Variants in CDK17 observed in about 807,000 individuals in gnomAD.
CDK17 encodes cyclin dependent kinase 17.
CDK17 carries 24 observed loss-of-function variants against 77.6 expected under a neutral mutation model. The observed-to-expected ratio is 0.31, with a 90% CI of 0.22 to 0.44. CDK17 has a LOEUF of 0.44. Among genes scored for constraint, CDK17 ranks in the 20% least tolerant of loss-of-function variants. The probability of loss-of-function intolerance (pLI) is 1.00; values close to 1 mark genes in which losing one functional copy is unlikely to be tolerated. For missense variants in CDK17, 429 were observed against 622.5 expected (o/e 0.69, Z 3.31); for synonymous variants, 203 against 210.4 (o/e 0.96, Z 0.30).
chr12:96,305,985 G>A (rs1285572377), intron 5 of CDK17, among the ~76,000 whole-genome samples: 1 of 152,180 alleles, frequency 6.6e-6, no homozygotes, highest in Non-Finnish European at 1.5e-5. Context: ...GCCTCTCAAA[G>A]TGGTGGGATT....
intron 6 of CDK17, 74 bp from the exon 7 acceptor site, chr12:96,299,057 G>A (rs1952457226): frequency 3.0e-6 from 2 of 674,754 alleles, no homozygotes; most frequent in Admixed American, 2.9e-5. Context: ...ATAATAAAGA[G>A]CTCTACCTGA....
chr12:96,332,944 C>T (rs889993534), intron 2 of CDK17, among the ~76,000 whole-genome samples: 1 of 152,080 alleles, frequency 6.6e-6, no homozygotes, highest in Non-Finnish European at 1.5e-5. Flanking sequence ...TTAGCTAAAA[C>T]ATACGTTCAT....
intron 1 of CDK17, among the ~76,000 whole-genome samples, chr12:96,374,769 CAAGT>C (rs1169233476): frequency 6.6e-6 from 1 of 152,174 alleles, no homozygotes. Context: ...AGCTTTCAAG[CAAGT>C]GAGGTCATGA....
intron 10 of CDK17, among the ~76,000 whole-genome samples, chr12:96,290,217 T>G (rs767815993): frequency 1.3e-5 from 2 of 152,320 alleles, no homozygotes; most frequent in Admixed American, 1.3e-4. Flanking sequence ...AATCCAGAAA[T>G]AAAGGCTAGA....
At chr12:96,389,751 T>C (rs1200519827) in intron 1 of CDK17, among the ~76,000 whole-genome samples, 1 of 152,188 alleles carries the variant, frequency 6.6e-6, no homozygotes, top group Non-Finnish European at 1.5e-5. Flanking sequence ...TACCAAGCCA[T>C]AATCTCGAAC....
intron 1 of CDK17, among the ~76,000 whole-genome samples, chr12:96,369,110 G>C (rs1953648491): frequency 6.6e-6 from 1 of 151,808 alleles, no homozygotes; most frequent in African/African-American, 2.4e-5. Context: ...AACTAACTCA[G>C]GACCAGTCCA....
chr12:96,396,251 T>C (rs966036528), intron 1 of CDK17, among the ~76,000 whole-genome samples: 4 of 152,214 alleles, frequency 2.6e-5, no homozygotes, highest in Non-Finnish European at 5.9e-5. Context: ...CTCTGGCCCT[T>C]GGCAATTCCT....
intron 11 of CDK17, among the ~76,000 whole-genome samples, chr12:96,288,655 G>C (rs1796256857): frequency 6.6e-6 from 1 of 152,154 alleles, no homozygotes; most frequent in Non-Finnish European, 1.5e-5. Context: ...TAATGAAGGG[G>C]GTGGCAATAA....
chr12:96,313,706 A>T (rs1952672578), intron 3 of CDK17, among the ~76,000 whole-genome samples: 1 of 152,218 alleles, frequency 6.6e-6, no homozygotes, highest in Non-Finnish European at 1.5e-5. Flanking sequence ...GGGTTGAGTA[A>T]TAAAATTATA....
At position 96,279,471 on chromosome 12, in the gene CDK17, A is replaced by G. The variant is rs1391564644; in HGVS notation, c.*771T>C. 6.6e-6 allele frequency: 1 copy of G among 152,240 alleles called. No homozygotes were observed. Among genetic ancestry groups the G allele is most frequent in the Admixed American group, 6.5e-5 (1 of 15,284 alleles). 9.4% of individuals were successfully genotyped at this position (152,240 alleles called of 1,614,324 possible). A position where few individuals can be genotyped will look rare whatever the true frequency, so the allele number is the denominator to read the frequency against. Reference sequence around the variant, plus strand: ...ATTTAAAACACAATGTAAAATAGGTAAGTGTATTAGTATACAAATATCCAG... The same window carrying G: ...ATTTAAAACACAATGTAAAATAGGTGAGTGTATTAGTATACAAATATCCAG... On this transcript the variant is annotated 3_prime_UTR_variant, in exon 17 of 17. Transcript: ENST00000261211.
intron 1 of CDK17, among the ~76,000 whole-genome samples, chr12:96,345,133 C>A (rs1243059067): frequency 6.6e-6 from 1 of 152,180 alleles, no homozygotes; most frequent in Non-Finnish European, 1.5e-5. Flanking sequence ...CCAGCCTTAA[C>A]CATGTCCCTG....
intron 5 of CDK17, among the ~76,000 whole-genome samples, chr12:96,308,637 G>C (rs1267985566): frequency 6.8e-6 from 1 of 147,360 alleles, no homozygotes; most frequent in African/African-American, 2.5e-5. Context: ...GCTGAGGCCA[G>C]AGAATCGCTT....
At chr12:96,352,407 T>C (rs868716430) in intron 1 of CDK17, among the ~76,000 whole-genome samples, 1 of 149,278 alleles carries the variant, frequency 6.7e-6, no homozygotes, top group Non-Finnish European at 1.5e-5. Flanking sequence ...AAAAAAAACA[T>C]GTCCCAGCTG....
intron 2 of CDK17, among the ~76,000 whole-genome samples, chr12:96,329,702 T>TA (rs1179813140): frequency 2.0e-5 from 3 of 152,264 alleles, no homozygotes; most frequent in African/African-American, 4.8e-5. Flanking sequence ...TCCACTGTTG[T>TA]AAAAAACAAT....
rs559752866 is a variant in CDK17 at position 96,347,832 on chromosome 12, T to C, written c.-29-12967A>G. On this transcript the variant is annotated intron_variant, in intron 1 of 16. Coordinates refer to ENST00000261211, the MANE Select transcript of CDK17 (RefSeq NM_002595.5). ...CAAGTCTTAATAAACTTTAAAAAACTAAAATCATAAAAAGCTCTTTTCCAA... is the reference window on the plus strand; with the variant it reads ...CAAGTCTTAATAAACTTTAAAAAACCAAAATCATAAAAAGCTCTTTTCCAA... 2.0e-5 allele frequency among the ~76,000 whole-genome samples: 3 copies of C among 152,148 alleles called. No individual in the cohort carries two copies. The South Asian group carries it at 6.2e-4, about 32-fold the overall frequency.
intron 1 of CDK17, among the ~76,000 whole-genome samples, chr12:96,340,713 T>C (rs1953109796): frequency 1.3e-5 from 2 of 152,224 alleles, no homozygotes; most frequent in African/African-American, 4.8e-5. Flanking sequence ...GGTTAATCTT[T>C]AATATTTACT....
chr12:96,376,380 C>CAAAGTATTTTGAAATA (rs1953782559), intron 1 of CDK17, among the ~76,000 whole-genome samples: 1 of 152,192 alleles, frequency 6.6e-6, no homozygotes, highest in East Asian at 1.9e-4. Context: ...AAACCAGACT[C>CAAAGTATTTTGAAATA]CAAAACATCA....
At position 96,323,974 on chromosome 12, in the gene CDK17, G is replaced by A. The variant is rs758025003; in HGVS notation, c.257C>T (p.Ala86Val). 7 of 1,600,518 alleles carry A rather than the reference G, an allele frequency of 4.4e-6. No homozygotes were observed. Among genetic ancestry groups the A allele is most frequent in the Non-Finnish European group, 6.0e-6 (7 of 1,173,996 alleles). The change falls in exon 3 of 17, where the codon GCA (alanine) becomes GTA (valine). Residue 86 changes from alanine to valine, a missense_variant. Transcript: ENST00000261211. Reference sequence around the variant, plus strand: ...TAATCTGCTTCCATTTCTGGGCATTGCCATGAAGGAGCCAAGGCTCCCTCC... The same window carrying A: ...TAATCTGCTTCCATTTCTGGGCATTACCATGAAGGAGCCAAGGCTCCCTCC... ...VIGGSLGSFM[A>V]MPRNGSRLDI...
chr12:96,306,496 T>C (rs955094100), intron 5 of CDK17, among the ~76,000 whole-genome samples: 15 of 151,972 alleles, frequency 9.9e-5, no homozygotes, highest in African/African-American at 3.6e-4. Context: ...AAATTTTACA[T>C]TTTACCTTAA....
Sources: allele counts gnomAD v4.1 joint callset (sites outside exome capture counted in the v4.1 genomes callset), GRCh38; gene constraint gnomAD v4.1.1; transcripts MANE v1.5; gene names NCBI Gene and HGNC (gene_info 2026-07-23, HGNC 2026-07-21).